The following CEP126 variants were observed in gnomAD, a reference collection of about 807,000 sequenced individuals.
CEP126 encodes centrosomal protein 126.
In CEP126, 74 loss-of-function variants were observed where a neutral mutation model predicts 107.8. The ratio of observed to expected loss-of-function variants is 0.69; its 90% CI spans 0.57 to 0.83. CEP126 has a LOEUF of 0.83. Ranked by LOEUF, CEP126 falls within the 40% of genes least tolerant of loss-of-function variation. The pLI is 0.00. For missense variants in CEP126, 1,237 were observed against 1,281.9 expected (o/e 0.96, Z 0.53); for synonymous variants, 449 against 446.0 (o/e 1.01, Z -0.08).
intron 2 of CEP126, among the ~76,000 whole-genome samples, chr11:101,929,925 C>T (rs563177982): frequency 6.7e-6 from 1 of 149,946 alleles, no homozygotes; most frequent in South Asian, 2.1e-4. Flanking sequence ...TCTAGCTAAG[C>T]TGATCTTTTC....
At chr11:101,978,789 C>T (rs1941222200) in intron 7 of CEP126, among the ~76,000 whole-genome samples, 1 of 152,164 alleles carries the variant, frequency 6.6e-6, no homozygotes, top group Non-Finnish European at 1.5e-5. Context: ...CTTAAATATA[C>T]ACTTTAAAAA....
At chr11:101,972,491 G>C (rs1941143609) in intron 6 of CEP126, among the ~76,000 whole-genome samples, 2 of 151,068 alleles carry the variant, frequency 1.3e-5, no homozygotes, top group African/African-American at 4.9e-5. Flanking sequence ...CTCCGTTACA[G>C]ACATGAACAC....
At chr11:101,929,141 T>C (rs1341565862) in intron 2 of CEP126, among the ~76,000 whole-genome samples, 1 of 152,214 alleles carries the variant, frequency 6.6e-6, no homozygotes, top group Non-Finnish European at 1.5e-5. Flanking sequence ...ACAAACATGC[T>C]CATTGAAGCA....
intron 2 of CEP126, among the ~76,000 whole-genome samples, chr11:101,925,055 C>T (rs1404744761): frequency 6.6e-6 from 1 of 152,118 alleles, no homozygotes. Flanking sequence ...CCCTCCAAGT[C>T]CCCTTTGTTT....
At chr11:101,982,404 A>T (rs1275441325) in intron 8 of CEP126, among the ~76,000 whole-genome samples, 1 of 152,210 alleles carries the variant, frequency 6.6e-6, no homozygotes. Flanking sequence ...GTGTATGTCA[A>T]CTTGAGGTAG....
intron 2 of CEP126, among the ~76,000 whole-genome samples, chr11:101,930,876 C>T (rs1424745479): frequency 6.6e-6 from 1 of 152,240 alleles, no homozygotes; most frequent in African/African-American, 2.4e-5. Flanking sequence ...ATATGGAACT[C>T]ACAGATATGG....
intron 6 of CEP126, among the ~76,000 whole-genome samples, chr11:101,967,176 C>G (rs749685008): frequency 5.9e-5 from 9 of 151,840 alleles, no homozygotes; most frequent in Non-Finnish European, 1.2e-4. Flanking sequence ...CACACACCAC[C>G]ATGCCCAACT....
intron 8 of CEP126, among the ~76,000 whole-genome samples, chr11:101,983,142 G>A (rs944106461): frequency 2.6e-5 from 4 of 152,178 alleles, no homozygotes; most frequent in Admixed American, 6.5e-5. Context: ...TAAAGATATT[G>A]TTGAAAATAT....
chr11:101,998,846 CTG>C lies in CEP126; in HGVS notation c.*1204_*1205del, dbSNP rs1941474555. ...TTGTCTCCACTTTAGAGATGAGAAACTGAGCCAAGGCCACATAGCTACCTACA... is the reference window on the plus strand; with the variant it reads ...TTGTCTCCACTTTAGAGATGAGAAACAGCCAAGGCCACATAGCTACCTACA... On this transcript the variant is annotated 3_prime_UTR_variant, in exon 11 of 11. Transcript: ENST00000263468. The C allele has an allele frequency of 6.6e-6, 1 of 152,028 alleles. No homozygotes were observed. Among genetic ancestry groups the C allele is most frequent in the Non-Finnish European group, 1.5e-5 (1 of 68,002 alleles). 9.4% of individuals were successfully genotyped at this position (152,028 alleles called of 1,614,324 possible).
In CEP126 at chr11:101,919,198, G is replaced by A. The variant is rs142239177; in HGVS notation, c.129-3443G>A. Among the ~76,000 whole-genome samples the A allele has an allele frequency of 4.4e-3, 663 of 152,252 alleles. 5 individuals are homozygous for A. The highest frequency in any genetic ancestry group is 0.015 in the African/African-American group (638 of 41,542). ...GAGCACTGTAGTCGTCCAAGCAAGG[G>A]ATTTAGAGTACCTGAGTTAAGGGAG... On this transcript the variant is annotated intron_variant, in intron 1 of 10. Transcript: ENST00000263468.
intron 3 of CEP126, among the ~76,000 whole-genome samples, chr11:101,946,199 T>C (rs1234339078): frequency 6.6e-6 from 1 of 152,084 alleles, no homozygotes; most frequent in Non-Finnish European, 1.5e-5. Context: ...CAGCCAAAGA[T>C]ACTATATTCA....
intron 4 of CEP126, among the ~76,000 whole-genome samples, chr11:101,950,037 G>T (rs1440268843): frequency 6.6e-6 from 1 of 152,142 alleles, no homozygotes; most frequent in Non-Finnish European, 1.5e-5. Flanking sequence ...AAATCAAAGA[G>T]CAAGGGATCA....
chr11:101,934,906 T>C (rs1940553128), intron 2 of CEP126, among the ~76,000 whole-genome samples: 1 of 152,110 alleles, frequency 6.6e-6, no homozygotes, highest in Non-Finnish European at 1.5e-5. Flanking sequence ...TTATTTGTTC[T>C]GAGTAAACTA....
rs202024977 is a variant in CEP126 at position 101,967,011 on chromosome 11, T to C, written c.2845+3131T>C. ...TTCTCTACTTTCTCATTCCAATTCATCATCTCTTTCTTTCTTTTTTTTTTT... is the reference window on the plus strand; with the variant it reads ...TTCTCTACTTTCTCATTCCAATTCACCATCTCTTTCTTTCTTTTTTTTTTT... On this transcript the variant is annotated intron_variant, in intron 6 of 10. Coordinates refer to ENST00000263468, the MANE Select transcript of CEP126 (RefSeq NM_020802.4). Among the ~76,000 whole-genome samples, 6 of 149,504 alleles carry C rather than the reference T, an allele frequency of 4.0e-5. No homozygotes were observed. The East Asian group carries it at 8.0e-4, about 20-fold the overall frequency.
At chr11:101,961,699 A>G in intron 5 of CEP126, 42 bp from the exon 6 acceptor site, 1 of 1,152,270 alleles carries the variant, frequency 8.7e-7, no homozygotes. Context: ...CTTGGCATTT[A>G]AAAGTTTATA....
intron 10 of CEP126, among the ~76,000 whole-genome samples, chr11:101,994,655 C>A (rs1941421442): frequency 6.6e-6 from 1 of 152,104 alleles, no homozygotes; most frequent in South Asian, 2.1e-4. Flanking sequence ...TTTCTGTCAA[C>A]CTTGTTGAAG....
chr11:101,937,646 C>G (rs1940601633), intron 2 of CEP126, among the ~76,000 whole-genome samples: 1 of 152,096 alleles, frequency 6.6e-6, no homozygotes, highest in African/African-American at 2.4e-5. Flanking sequence ...CCTTATAAAA[C>G]ATGGTGGGGA....
rs1413617197 is a variant in CEP126, at chr11:101,962,276, C to T, written c.1241C>T (p.Thr414Ile). ...AGACCATTAGTTACTGAGAGCCCAACATTTAAATTTAGCAAATCCCAAAGC... is the reference window on the plus strand; with the variant it reads ...AGACCATTAGTTACTGAGAGCCCAATATTTAAATTTAGCAAATCCCAAAGC... Reference protein sequence around the residue: ...RERPLVTESPTFKFSKSQSTS... With the variant: ...RERPLVTESPIFKFSKSQSTS... Residue 414 changes from threonine to isoleucine, a missense_variant, in exon 6 of 11, where the codon ACA (threonine) becomes ATA (isoleucine). Coordinates refer to ENST00000263468, the MANE Select transcript of CEP126 (RefSeq NM_020802.4). 4 of 1,613,670 alleles carry T rather than the reference C, an allele frequency of 2.5e-6. No homozygotes were observed. In the Admixed American group the frequency reaches 6.7e-5, roughly 27 times the overall value.
intron 1 of CEP126, among the ~76,000 whole-genome samples, chr11:101,915,686 G>A (rs1565345904): frequency 6.6e-6 from 1 of 152,236 alleles, no homozygotes; most frequent in Non-Finnish European, 1.5e-5. Context: ...CACATCAACT[G>A]TGTATTCTGT....
Sources: allele counts gnomAD v4.1 joint callset (sites outside exome capture counted in the v4.1 genomes callset), GRCh38; gene constraint gnomAD v4.1.1; transcripts MANE v1.5; gene names NCBI Gene and HGNC (gene_info 2026-07-23, HGNC 2026-07-21).